The following VGLL2 variants were observed in gnomAD, a reference collection of about 807,000 sequenced individuals.
The protein encoded by VGLL2 is transcription cofactor vestigial-like protein 2.
A neutral mutation model predicts 27.0 loss-of-function variants in VGLL2; 18 were observed. The ratio of observed to expected loss-of-function variants is 0.67; its 90% CI spans 0.46 to 0.99. The LOEUF is 0.99. VGLL2 is among the 50% of genes least tolerant of loss of function. The pLI, the probability that VGLL2 is intolerant of heterozygous loss-of-function variation, is 0.00. For synonymous variants in VGLL2, 220 were observed against 201.1 expected, an observed-to-expected ratio of 1.09 and a Z score of -0.80; for missense variants, 491 against 452.3, an observed-to-expected ratio of 1.09 and a Z score of -0.78.
rs954276196 is a variant in VGLL2 at position 117,268,622 on chromosome 6, G to A, written c.391+131G>A. 5.6e-6 allele frequency: 6 copies of A among 1,063,258 alleles called. No homozygotes were observed. In the African/African-American group the frequency reaches 8.0e-5, roughly 14 times the overall value. The allele number at this position is 1,063,258 out of a possible 1,614,324, so 65.9% of individuals were successfully genotyped here. On this transcript the variant is annotated intron_variant, in intron 2 of 3. Transcript: ENST00000326274. ...GAGAAGGTGTGCAGAGGAGCATTTG[G>A]AAAGGGTAAGGAAAACGCAGGGGTA...
At chr6:117,268,038 AG>A in intron 1 of VGLL2, 143 bp from the exon 2 acceptor site, 1 of 865,730 alleles carries the variant, frequency 1.2e-6, no homozygotes, top group Non-Finnish European at 1.8e-6. Flanking sequence ...CGCTATTGCT[AG>A]TTTTATGCTA....
At chr6:117,269,226 T>C (rs1010858009) in intron 2 of VGLL2, among the ~76,000 whole-genome samples, 19 of 152,224 alleles carry the variant, frequency 1.2e-4, no homozygotes, top group African/African-American at 4.3e-4. Context: ...AGGACAATTA[T>C]TTGTTGGACA....
intron 3 of VGLL2, 100 bp from the exon 4 acceptor site, chr6:117,272,354 C>T: frequency 2.5e-6 from 4 of 1,606,362 alleles, no homozygotes; most frequent in Non-Finnish European, 3.4e-6. Context: ...TGGTTTTAGA[C>T]CGCCCACCTT....
chr6:117,268,045 T>C (rs1773104172), intron 1 of VGLL2, 137 bp from the exon 2 acceptor site: 4 of 934,788 alleles, frequency 4.3e-6, no homozygotes, highest in African/African-American at 1.7e-5. Context: ...GCTAGTTTTA[T>C]GCTAACAGCA....
At chr6:117,271,236 C>T (rs1172933990) in intron 3 of VGLL2, among the ~76,000 whole-genome samples, 172 bp downstream of exon 3, 1 of 150,368 alleles carries the variant, frequency 6.7e-6, no homozygotes, top group African/African-American at 2.4e-5. Context: ...TGCGTGTAGG[C>T]GGGATGAGAA....
chr6:117,270,622 G>A lies in VGLL2; in HGVS notation c.471G>A (p.Pro157=), dbSNP rs377523717. 90 of 1,591,450 alleles carry A rather than the reference G, an allele frequency of 5.7e-5. 1 individual carries two copies. The highest frequency in any genetic ancestry group is 6.9e-5 in the Non-Finnish European group (81 of 1,173,538). ...NSAYQAPVPP[P]LGSPLATAHS... is the part of the protein sequence containing the mutation. ...CGTACCAGGCGCCAGTGCCCCCGCCGCTGGGCAGCCCTCTGGCCACCGCGC... is the reference window on the plus strand; with the variant it reads ...CGTACCAGGCGCCAGTGCCCCCGCCACTGGGCAGCCCTCTGGCCACCGCGC... Residue 157 remains proline, a synonymous_variant, in exon 3 of 4, where the codon CCG becomes CCA. Coordinates refer to ENST00000326274, the MANE Select transcript of VGLL2 (RefSeq NM_182645.3).
At chr6:117,270,453 G>A in intron 2 of VGLL2, 90 bp from the exon 3 acceptor site, 1 of 1,427,308 alleles carries the variant, frequency 7.0e-7, no homozygotes, top group Non-Finnish European at 9.2e-7. Flanking sequence ...TCGTCTCTCG[G>A]GCGGGACGTG....
intron 2 of VGLL2, among the ~76,000 whole-genome samples, chr6:117,268,864 T>C (rs1773124571): frequency 1.3e-5 from 2 of 152,122 alleles, no homozygotes; most frequent in Admixed American, 1.3e-4. Context: ...AGAAAATGGA[T>C]GCAAATATGC....
At chr6:117,265,955 A>G (rs962758823) in intron 1 of VGLL2, 111 bp downstream of exon 1, 6 of 1,008,080 alleles carry the variant, frequency 6.0e-6, no homozygotes, top group Non-Finnish European at 9.2e-6. Context: ...GCGTCCGACC[A>G]CGACCGGCGC....
In VGLL2 at chr6:117,270,582, C is replaced by G; in HGVS notation, c.431C>G (p.Ser144Cys). The part of the protein sequence containing the change: ...FPMSQRSFPA[S>C]FWNSAYQAPV... ...ATGAGCCAGCGCAGCTTCCCCGCCT[C>G]CTTCTGGAATAGCGCGTACCAGGCG... Residue 144 changes from serine (S) to cysteine (C), a missense_variant, in exon 3 of 4, where the codon TCC (serine) becomes TGC (cysteine). Ser to Cys is a moderately radical substitution (Grantham distance 112). Coordinates refer to ENST00000326274, the MANE Select transcript of VGLL2 (RefSeq NM_182645.3). 1.3e-6 allele frequency: 2 copies of G among 1,598,674 alleles called. No homozygotes were observed. Among genetic ancestry groups the G allele is most frequent in the South Asian group, 2.2e-5 (2 of 89,444 alleles).
Position 117,268,358 on chromosome 6 carries a change from C to A in VGLL2, c.258C>A (p.Val86=). 1 of 1,614,140 alleles carries A rather than the reference C, an allele frequency of 6.2e-7. No individual in the cohort carries two copies. The highest frequency in any genetic ancestry group is 8.5e-7 in the Non-Finnish European group (1 of 1,180,030). Residue 86 remains valine (V), a synonymous_variant, in exon 2 of 4, where the codon GTC becomes GTA. Coordinates refer to ENST00000326274, the MANE Select transcript of VGLL2 (RefSeq NM_182645.3). ...CAGAGTACATCAACTCCCGCTGCGT[C>A]CTCTTCACTTATTTCCAGGGGGACA... ...PEAEYINSRC[V]LFTYFQGDIS...
Position 117,273,025 on chromosome 6 carries a change from T to C in VGLL2, c.*531T>C, listed in dbSNP as rs1358411899. On this transcript the variant is annotated 3_prime_UTR_variant, in exon 4 of 4. Transcript: ENST00000326274. ...ACAATGCCCACTCCAGACGCAAAGA[T>C]ACACTTTTTTCCTTTGGACTGTGAA... is the stretch of plus-strand genomic sequence containing the variant. 1.3e-5 allele frequency: 2 copies of C among 153,386 alleles called. No homozygotes were observed. Among genetic ancestry groups the C allele is most frequent in the Non-Finnish European group, 2.9e-5 (2 of 68,716 alleles). The allele number at this position is 153,386 out of a possible 1,614,324, so 9.5% of individuals were successfully genotyped here.
At position 117,268,315 on chromosome 6, in the gene VGLL2, AAG is replaced by A. The variant is rs1158483725; in HGVS notation, c.218_219del (p.Glu73AlafsTer28). On this transcript the variant is annotated frameshift_variant, in exon 2 of 4. Transcript: ENST00000326274. LOFTEE classifies it high-confidence loss of function. ...AAAGAGGAAGAAGGCAGCCCAGAGA[AAG>A]AGCGCCCACCAGAGGCAGAGTACAT... The A allele has an allele frequency of 6.2e-7, 1 of 1,614,012 alleles. No homozygotes were observed. Among genetic ancestry groups the A allele is most frequent in the Non-Finnish European group, 8.5e-7 (1 of 1,180,040 alleles).
intron 1 of VGLL2, among the ~76,000 whole-genome samples, chr6:117,266,868 T>G (rs938406452): frequency 1.3e-5 from 2 of 152,178 alleles, no homozygotes; most frequent in African/African-American, 4.8e-5. Context: ...CCCGATAAAT[T>G]AATGATGGAC....
chr6:117,272,145 C>T (rs189075904), intron 3 of VGLL2, among the ~76,000 whole-genome samples: 2 of 138,744 alleles, frequency 1.4e-5, no homozygotes, highest in African/African-American at 5.3e-5. Flanking sequence ...ATATCTTGTG[C>T]CTTCCCTCCC....
chr6:117,267,408 A>C (rs1164944042), intron 1 of VGLL2, among the ~76,000 whole-genome samples: 1 of 151,980 alleles, frequency 6.6e-6, no homozygotes, highest in East Asian at 1.9e-4. Context: ...TCATTTCCTC[A>C]ATGTGTGTGG....
At chr6:117,272,209 T>G (rs1773217821) in intron 3 of VGLL2, 1 of 665,142 alleles carries the variant, frequency 1.5e-6, no homozygotes, top group Non-Finnish European at 1.9e-6. Flanking sequence ...TTCTTCTTTG[T>G]TCTCCTCCTT....
intron 3 of VGLL2, among the ~76,000 whole-genome samples, chr6:117,271,672 A>G (rs747015089): frequency 5.3e-5 from 8 of 152,152 alleles, no homozygotes; most frequent in Non-Finnish European, 8.8e-5. Flanking sequence ...TTTCTATTGG[A>G]CAGCGGTGAT....
Position 117,270,851 on chromosome 6 carries a change from C to A in VGLL2, c.700C>A (p.His234Asn). ...PAAVHEVYAP[H>N]FDPRYGPLLM... is the part of the protein sequence containing the mutation. ...CGCCGTGCACGAAGTCTACGCGCCG[C>A]ACTTCGACCCGCGCTATGGGCCGCT... The change falls in exon 3 of 4, where the codon CAC becomes AAC. Residue 234 changes from histidine (H) to asparagine (N), a missense_variant. Physicochemically the swap from His to Asn is moderately conservative, Grantham distance 68. Coordinates refer to ENST00000326274, the MANE Select transcript of VGLL2 (RefSeq NM_182645.3). 7.1e-7 allele frequency: 1 copy of A among 1,412,762 alleles called. No homozygotes were observed. The highest frequency in any genetic ancestry group is 9.2e-7 in the Non-Finnish European group (1 of 1,083,084). The allele number at this position is 1,412,762 out of a possible 1,614,324, so 87.5% of individuals were successfully genotyped here. A position where few individuals can be genotyped will look rare whatever the true frequency, so the allele number is the denominator to read the frequency against.
Sources: allele counts gnomAD v4.1 joint callset (sites outside exome capture counted in the v4.1 genomes callset), GRCh38; gene constraint gnomAD v4.1.1; transcripts MANE v1.5; gene names NCBI Gene and HGNC (gene_info 2026-07-23, HGNC 2026-07-21).